Variants in CEP97 observed in about 807,000 individuals in gnomAD.
CEP97 encodes the protein centrosomal protein of 97 kDa.
Under a neutral mutation model 73.1 loss-of-function variants are expected in CEP97, and 43 were observed. The observed-to-expected ratio is 0.59, with a 90% CI of 0.46 to 0.76. The LOEUF is 0.76. Among genes scored for constraint, CEP97 ranks in the 30% least tolerant of loss-of-function variants. The pLI, the probability that CEP97 is intolerant of heterozygous loss-of-function variation, is 0.00. For missense variants in CEP97, 939 were observed against 1,014.0 expected, an observed-to-expected ratio of 0.93 and a Z score of 1.00; for synonymous variants, 337 against 370.0, an observed-to-expected ratio of 0.91 and a Z score of 1.02.
intron 9 of CEP97, 159 bp downstream of exon 9, chr3:101,758,582 G>C: frequency 3.7e-6 from 3 of 811,568 alleles, no homozygotes; most frequent in Non-Finnish European, 3.8e-6. Flanking sequence ...AAAGCATCTG[G>C]AGAGCAGACA....
At chr3:101,742,460 C>T (rs1452509270) in intron 6 of CEP97, among the ~76,000 whole-genome samples, 1 of 149,208 alleles carries the variant, frequency 6.7e-6, no homozygotes, top group East Asian at 2.0e-4. Context: ...AAGCTGGAAA[C>T]CATCATTCTT....
At chr3:101,734,111 C>A (rs897152481) in intron 6 of CEP97, among the ~76,000 whole-genome samples, 1 of 152,210 alleles carries the variant, frequency 6.6e-6, no homozygotes, top group Non-Finnish European at 1.5e-5. Context: ...CAGGCATGAG[C>A]CACTGCACCT....
chr3:101,745,289 C>T (rs558094237), intron 6 of CEP97, among the ~76,000 whole-genome samples: 2 of 152,246 alleles, frequency 1.3e-5, no homozygotes, highest in East Asian at 1.9e-4. Flanking sequence ...GAGATGGGGT[C>T]TCACATTGTT....
chr3:101,724,777 T>A, intron 1 of CEP97, 58 bp downstream of exon 1: 1 of 1,560,692 alleles, frequency 6.4e-7, no homozygotes, highest in Non-Finnish European at 8.8e-7. Context: ...AATTAAATAG[T>A]GGAGAGCAGA....
intron 6 of CEP97, among the ~76,000 whole-genome samples, chr3:101,743,274 G>A (rs891001431): frequency 3.3e-5 from 5 of 151,470 alleles, no homozygotes; most frequent in African/African-American, 7.3e-5. Context: ...GATCCCCTTT[G>A]TTTCCCTCTG....
rs371995529 is a variant in CEP97 at position 101,762,511 on chromosome 3, G to C, written c.1844G>C (p.Arg615Pro). The C allele has an allele frequency of 3.7e-5, 60 of 1,610,126 alleles. No homozygotes were observed. Among genetic ancestry groups the C allele is most frequent in the Non-Finnish European group, 4.5e-5 (53 of 1,177,884 alleles). Residue 615 changes from arginine to proline, a missense_variant, in exon 10 of 11, where the codon CGT (arginine) becomes CCT (proline). By Grantham distance (103) the Arg-to-Pro change is moderately radical (BLOSUM62 -2). Transcript: ENST00000341893. ...TTACGAAAAGAAAGAGATGAAGAAC[G>C]TATTAAAAAATTTGTACAAGAAGAA... ...RRLRKERDEE[R>P]IKKFVQEEAF...
At chr3:101,747,258 CTTTTTTTT>C (rs35085560) in intron 6 of CEP97, among the ~76,000 whole-genome samples, 3 of 129,756 alleles carry the variant, frequency 2.3e-5, no homozygotes, top group South Asian at 2.4e-4. Flanking sequence ...TTCAGAACTC[CTTTTTTTT>C]TTTTTTTTTT....
At chr3:101,750,368 A>C (rs1352108412) in intron 6 of CEP97, among the ~76,000 whole-genome samples, 1 of 151,450 alleles carries the variant, frequency 6.6e-6, no homozygotes, top group Non-Finnish European at 1.5e-5. Flanking sequence ...CTGTTTTGGT[A>C]CCAGTACCAT....
At chr3:101,750,327 G>T (rs1364303741) in intron 6 of CEP97, among the ~76,000 whole-genome samples, 1 of 150,312 alleles carries the variant, frequency 6.7e-6, no homozygotes, top group Admixed American at 6.7e-5. Context: ...TTATTTCTGA[G>T]GGCTCTGTTC....
In CEP97 at chr3:101,758,430, C is replaced by T. The variant is rs755590578; in HGVS notation, c.1817+7C>T. Reference sequence around the variant, plus strand: ...TAACTGATGAAATAAGGAGGTGGGTCAGAAGTCCTTTTGATGCACTGTTTT... The same window carrying T: ...TAACTGATGAAATAAGGAGGTGGGTTAGAAGTCCTTTTGATGCACTGTTTT... On this transcript the variant is annotated splice_region_variant and intron_variant, in intron 9 of 10. Coordinates refer to ENST00000341893, the MANE Select transcript of CEP97 (RefSeq NM_024548.4). The T allele has an allele frequency of 6.2e-7, 1 of 1,613,416 alleles. No homozygotes were observed.
chr3:101,731,786 G>T (rs796995655), intron 4 of CEP97, 54 bp from the exon 5 acceptor site: 15 of 1,007,310 alleles, frequency 1.5e-5, no homozygotes, highest in Non-Finnish European at 2.3e-5. Flanking sequence ...GTCACAATAG[G>T]CCAATTTATT....
At chr3:101,742,966 C>T (rs1032862658) in intron 6 of CEP97, among the ~76,000 whole-genome samples, 2 of 151,980 alleles carry the variant, frequency 1.3e-5, no homozygotes, top group Non-Finnish European at 2.9e-5. Flanking sequence ...AGAGCATGGC[C>T]GCACGTGGTG....
chr3:101,732,399 C>A, intron 5 of CEP97, 89 bp from the exon 6 acceptor site: 1 of 873,646 alleles, frequency 1.1e-6, no homozygotes, highest in Non-Finnish European at 1.8e-6. Flanking sequence ...ATCACATTCT[C>A]AAATGCTGCC....
In CEP97 at chr3:101,767,775, T is replaced by G. The variant is rs552058783; in HGVS notation, c.*2224T>G. 6.6e-6 allele frequency: 1 copy of G among 152,334 alleles called. No individual in the cohort carries two copies. The highest frequency in any genetic ancestry group is 2.4e-5 in the African/African-American group (1 of 41,572). 9.4% of individuals were successfully genotyped at this position (152,334 alleles called of 1,614,324 possible). On this transcript the variant is annotated 3_prime_UTR_variant, in exon 11 of 11. Transcript: ENST00000341893. ...TGTTTTATTTAACTTTTACTAGTGTTTAGAAGTGCAAGAATATTAAATAGC... is the reference window on the plus strand; with the variant it reads ...TGTTTTATTTAACTTTTACTAGTGTGTAGAAGTGCAAGAATATTAAATAGC...
chr3:101,727,248 A>G (rs1163381845), intron 2 of CEP97, 135 bp from the exon 3 acceptor site: 2 of 655,514 alleles, frequency 3.1e-6, no homozygotes, highest in South Asian at 2.4e-5. Context: ...GAATATTTAG[A>G]CAATATATGT....
Position 101,731,858 on chromosome 3 carries a change from A to G in CEP97, c.466A>G (p.Asn156Asp). Residue 156 changes from asparagine (N) to aspartate (D), a missense_variant, in exon 5 of 11, where the codon AAC (asparagine) becomes GAC (aspartate). By Grantham distance (23) the Asn-to-Asp change is conservative (BLOSUM62 1). Coordinates refer to ENST00000341893, the MANE Select transcript of CEP97 (RefSeq NM_024548.4). Reference sequence around the variant, plus strand: ...TTTCAAGACCCTGCTTTTACATGGAAACATCATCACCTCTCTTAGAATGGC... The same window carrying G: ...TTTCAAGACCCTGCTTTTACATGGAGACATCATCACCTCTCTTAGAATGGC... The part of the protein sequence containing the change: ...VSLKTLLLHG[N>D]IITSLRMAPA... The G allele has an allele frequency of 6.3e-7, 1 of 1,598,268 alleles. No individual in the cohort carries two copies. The highest frequency in any genetic ancestry group is 8.6e-7 in the Non-Finnish European group (1 of 1,167,226).
At position 101,766,655 on chromosome 3, in the gene CEP97, A is replaced by G. The variant is rs1939325987; in HGVS notation, c.*1104A>G. ...TTAAAAGGGATATATATATATATAT[A>G]TATGTCTGCAACTTCAGGGAGAAAT... is the stretch of plus-strand genomic sequence containing the variant. On this transcript the variant is annotated 3_prime_UTR_variant, in exon 11 of 11. Transcript: ENST00000341893. 6.6e-6 allele frequency: 1 copy of G among 152,434 alleles called. No homozygotes were observed. The highest frequency in any genetic ancestry group is 2.4e-5 in the African/African-American group (1 of 41,374). 9.4% of individuals were successfully genotyped at this position (152,434 alleles called of 1,614,324 possible).
intron 6 of CEP97, among the ~76,000 whole-genome samples, chr3:101,754,760 G>A (rs760474096): frequency 6.6e-5 from 10 of 152,124 alleles, no homozygotes; most frequent in Non-Finnish European, 1.5e-4. Flanking sequence ...AGTTGAAGAA[G>A]TCAGAGTATT....
chr3:101,731,985 G>C, intron 5 of CEP97, 32 bp downstream of exon 5: 1 of 1,264,820 alleles, frequency 7.9e-7, no homozygotes, highest in Non-Finnish European at 1.2e-6. Context: ...TGAGATTCAG[G>C]AAGCTGGAAA....
Sources: gnomAD v4.1 joint callset for allele counts (sites outside exome capture counted in the v4.1 genomes callset) on GRCh38, gnomAD v4.1.1 for gene constraint, MANE v1.5 for transcripts, NCBI Gene and HGNC (gene_info 2026-07-23, HGNC 2026-07-21) for gene names.